The following MED23 variants were observed in gnomAD, a reference collection of about 807,000 sequenced individuals.
MED23 encodes mediator of RNA polymerase II transcription subunit 23.
In MED23, 105 loss-of-function variants were observed where a neutral mutation model predicts 163.9. The ratio of observed to expected loss-of-function variants is 0.64; its 90% confidence interval spans 0.55 to 0.75. The LOEUF (loss-of-function observed/expected upper bound fraction) is 0.75. Ranked by LOEUF, MED23 falls within the 30% of genes least tolerant of loss-of-function variation. MED23 has a pLI of 0.00. For missense variants in MED23, 1,054 were observed against 1,649.0 expected, an observed-to-expected ratio of 0.64 and a Z score of 6.25; for synonymous variants, 561 against 565.6, an observed-to-expected ratio of 0.99 and a Z score of 0.12.
chr6:131,587,732 A>C lies in MED23; in HGVS notation c.4054T>G (p.Ser1352Ala). The C allele has an allele frequency of 6.2e-7, 1 of 1,614,048 alleles. No individual in the cohort carries two copies. Among genetic ancestry groups the C allele is most frequent in the Non-Finnish European group, 8.5e-7 (1 of 1,179,988 alleles). Residue 1352 changes from serine (S) to alanine (A), a missense_variant, in exon 29 of 29, where the codon TCT (serine) becomes GCT (alanine). Physicochemically the swap from Ser to Ala is moderately conservative, Grantham distance 99. This residue lies in a region of MED23 where 362 missense variants were observed against 471.6 expected (regional missense o/e 0.77). Transcript: ENST00000368068. ...AVPPQAMNSG[S>A]PAPQSNQVPV... Reference sequence around the variant, plus strand: ...ACCTGATTAGACTGAGGTGCTGGAGACCCACTGTTCATGGCTTGTGGAGGC... The same window carrying C: ...ACCTGATTAGACTGAGGTGCTGGAGCCCCACTGTTCATGGCTTGTGGAGGC...
intron 4 of MED23, 55 bp downstream of exon 4, chr6:131,624,810 C>G: frequency 6.3e-7 from 1 of 1,599,794 alleles, no homozygotes; most frequent in East Asian, 2.2e-5. Context: ...CAACCAATTT[C>G]CAATCACATA....
At chr6:131,614,412 C>T (rs1234517593) in intron 10 of MED23, among the ~76,000 whole-genome samples, 2 of 152,122 alleles carry the variant, frequency 1.3e-5, no homozygotes, top group African/African-American at 4.8e-5. Context: ...TTTATATAAC[C>T]TAGACAAGAA....
chr6:131,620,800 C>A (rs2114757542), intron 6 of MED23, 71 bp from the exon 7 acceptor site: 7 of 871,118 alleles, frequency 8.0e-6, no homozygotes, highest in Non-Finnish European at 1.1e-5. Flanking sequence ...TATTTATTAT[C>A]ATTATTTTTT....
intron 1 of MED23, 35 bp downstream of exon 1, chr6:131,627,976 A>G: frequency 6.2e-7 from 1 of 1,613,714 alleles, no homozygotes; most frequent in South Asian, 1.1e-5. Flanking sequence ...CCCGTCCCCA[A>G]GCCGTAGTCC....
downstream of MED23, chr6:131,582,698 C>T (rs745787043): frequency 9.9e-6 from 16 of 1,613,546 alleles, no homozygotes; most frequent in Middle Eastern, 3.3e-4. Flanking sequence ...GCTTGAGAGA[C>T]GTGGACCCTG....
At chr6:131,576,056 C>T (rs1299092772) in intron 30 of MED23, among the ~76,000 whole-genome samples, 1 of 152,220 alleles carries the variant, frequency 6.6e-6, no homozygotes, top group East Asian at 1.9e-4. Flanking sequence ...TTCTCCATCA[C>T]TCTGTCTTGT....
At chr6:131,623,568 AT>A in intron 4 of MED23, 106 bp from the exon 5 acceptor site, 1 of 872,258 alleles carries the variant, frequency 1.1e-6, no homozygotes, top group South Asian at 1.3e-5. Flanking sequence ...CTCATCTTGA[AT>A]TGTAGTTCCC....
downstream of MED23, chr6:131,583,502 A>G (rs932846487): frequency 6.2e-7 from 1 of 1,613,940 alleles, no homozygotes; most frequent in African/African-American, 1.3e-5. Flanking sequence ...GTAGTTAACA[A>G]TCTGAGGTAA....
chr6:131,624,479 T>A (rs1585576384), intron 4 of MED23, among the ~76,000 whole-genome samples: 1 of 152,206 alleles, frequency 6.6e-6, no homozygotes, highest in East Asian at 1.9e-4. Context: ...CTAGCCACAT[T>A]GATCACAATC....
chr6:131,604,113 A>G (rs1775684758), intron 15 of MED23, 65 bp downstream of exon 15: 13 of 1,570,748 alleles, frequency 8.3e-6, no homozygotes, highest in Non-Finnish European at 1.1e-5. Context: ...CCCAGGACCT[A>G]GAAAAGTAAC....
chr6:131,616,705 G>A (rs914806057), intron 9 of MED23, among the ~76,000 whole-genome samples: 2 of 152,100 alleles, frequency 1.3e-5, no homozygotes, highest in Admixed American at 6.6e-5. Flanking sequence ...CTGTAGTCTC[G>A]GCTACTCAGG....
In MED23 at chr6:131,628,060, A is replaced by G. The variant is rs1421969750; in HGVS notation, c.-11T>C. 1 of 1,612,702 alleles carries G rather than the reference A, an allele frequency of 6.2e-7. No individual in the cohort carries two copies. Among genetic ancestry groups the G allele is most frequent in the South Asian group, 1.1e-5 (1 of 91,014 alleles). ...CAGTTGCGTCTCCATCTGTACTATC[A>G]CCCCCGCCTTTCCAGGGTGCCCGGC... On this transcript the variant is annotated 5_prime_UTR_variant, in exon 1 of 29. Coordinates refer to ENST00000368068, the MANE Select transcript of MED23 (RefSeq NM_004830.4).
intron 30 of MED23, among the ~76,000 whole-genome samples, chr6:131,577,213 A>G (rs1301044207): frequency 1.3e-5 from 2 of 152,204 alleles, no homozygotes; most frequent in African/African-American, 2.4e-5. Flanking sequence ...TTTTTAAAGT[A>G]TGGGCTCAAT....
intron 30 of MED23, among the ~76,000 whole-genome samples, chr6:131,577,487 T>G (rs1773677170): frequency 6.6e-6 from 1 of 152,128 alleles, no homozygotes; most frequent in African/African-American, 2.4e-5. Context: ...TGTGCTTGAA[T>G]GTTTGGGGGC....
intron 10 of MED23, among the ~76,000 whole-genome samples, chr6:131,613,450 T>C (rs911207349): frequency 2.6e-5 from 4 of 152,174 alleles, no homozygotes; most frequent in African/African-American, 9.6e-5. Context: ...GAGTAAATTA[T>C]CACATTGCTA....
chr6:131,578,957 A>T, intron 30 of MED23: 1 of 802,478 alleles, frequency 1.2e-6, no homozygotes, highest in Non-Finnish European at 1.9e-6. Context: ...AAAAGCAGAC[A>T]TGGGTCTACC....
In MED23 at chr6:131,587,482, T is replaced by TA; in HGVS notation, c.*196dup. 7.0e-7 allele frequency: 1 copy of TA among 1,421,302 alleles called. No individual in the cohort carries two copies. Among genetic ancestry groups the TA allele is most frequent in the Non-Finnish European group, 9.2e-7 (1 of 1,090,368 alleles). 88.0% of individuals were successfully genotyped at this position (1,421,302 alleles called of 1,614,324 possible). A position where few individuals can be genotyped will look rare whatever the true frequency, so the allele number is the denominator to read the frequency against. Reference sequence around the variant, plus strand: ...ACAACATGTATCTTACTTGATCTCTTAGAGACAAAAATATAGATAGGGAGA... The same window carrying TA: ...ACAACATGTATCTTACTTGATCTCTTAAGAGACAAAAATATAGATAGGGAGA... On this transcript the variant is annotated 3_prime_UTR_variant, in exon 29 of 29. Coordinates refer to ENST00000368068, the MANE Select transcript of MED23 (RefSeq NM_004830.4).
intron 10 of MED23, 169 bp downstream of exon 10, chr6:131,615,738 G>A (rs1051178876): frequency 2.0e-5 from 13 of 662,294 alleles, no homozygotes; most frequent in Non-Finnish European, 3.4e-5. Flanking sequence ...CATTCTTAAA[G>A]CAATATATAA....
intron 30 of MED23, among the ~76,000 whole-genome samples, chr6:131,580,200 G>A (rs1773849327): frequency 6.6e-6 from 1 of 152,122 alleles, no homozygotes; most frequent in South Asian, 2.1e-4. Flanking sequence ...ATGACTTCAG[G>A]TCTCCTTGGC....
Sources: allele counts gnomAD v4.1 joint callset (sites outside exome capture counted in the v4.1 genomes callset), GRCh38; gene constraint gnomAD v4.1.1; regional missense constraint gnomAD v4.1.1; transcripts MANE v1.5; gene names NCBI Gene and HGNC (gene_info 2026-07-23, HGNC 2026-07-21).